The following HAPLN1 variants were observed in gnomAD, a reference collection of about 807,000 sequenced individuals.
HAPLN1 encodes hyaluronan and proteoglycan link protein 1.
HAPLN1 carries 13 observed loss-of-function variants against 36.5 expected under a neutral mutation model. The observed-to-expected ratio is 0.36, with a 90% CI of 0.23 to 0.57. HAPLN1 has a LOEUF of 0.57. Ranked by LOEUF, HAPLN1 falls within the 20% of genes least tolerant of loss-of-function variation. HAPLN1 has a pLI of 0.83. For synonymous variants in HAPLN1, 202 were observed against 169.8 expected (o/e 1.19, Z -1.48); for missense variants, 407 against 439.7 (o/e 0.93, Z 0.66).
chr5:83,669,531 TA>T (rs1750644126), intron 2 of HAPLN1, among the ~76,000 whole-genome samples: 2 of 151,868 alleles, frequency 1.3e-5, no homozygotes, highest in Non-Finnish European at 2.9e-5. Context: ...ATTAAAGTAA[TA>T]ATATGAATGG....
intron 1 of HAPLN1, among the ~76,000 whole-genome samples, chr5:83,708,891 GT>G (rs537083743): frequency 5.1e-4 from 78 of 151,618 alleles, no homozygotes; most frequent in Non-Finnish European, 1.0e-3. Context: ...CTTTTTTTCT[GT>G]TTTTTTGAGA....
At chr5:83,682,860 T>C (rs1751039158) in intron 1 of HAPLN1, among the ~76,000 whole-genome samples, 1 of 152,074 alleles carries the variant, frequency 6.6e-6, no homozygotes, top group Non-Finnish European at 1.5e-5. Context: ...TTGAAGGTGT[T>C]TTTTAAGCTT....
rs774866703 is a variant in HAPLN1, at chr5:83,652,809, T to G, written c.116A>C (p.His39Pro). 11 of 1,580,116 alleles carry G rather than the reference T, an allele frequency of 7.0e-6. No individual in the cohort carries two copies. The highest frequency in any genetic ancestry group is 8.6e-6 in the Non-Finnish European group (10 of 1,161,258). Residue 39 changes from histidine to proline, a missense_variant, in exon 3 of 5, where the codon CAT (histidine) becomes CCT (proline). By Grantham distance (77) the His-to-Pro change is moderately conservative. Transcript: ENST00000274341. Reference protein sequence around the residue: ...AIHIQAENGPHLLVEAEQAKV... With the variant: ...AIHIQAENGPPLLVEAEQAKV... ...GGCTTGCTCTGCTTCCACAAGTAGA[T>G]GGGGGCCATTTTCTGCTATAATTAA... is the stretch of plus-strand genomic sequence containing the variant.
At chr5:83,693,167 C>T (rs1751318887) in intron 1 of HAPLN1, among the ~76,000 whole-genome samples, 1 of 151,826 alleles carries the variant, frequency 6.6e-6, no homozygotes, top group Non-Finnish European at 1.5e-5. Flanking sequence ...TTACTATACT[C>T]ACCTCTTTTC....
At chr5:83,673,711 C>T (rs983939007) in intron 1 of HAPLN1, 162 bp from the exon 2 acceptor site, 36 of 544,252 alleles carry the variant, frequency 6.6e-5, no homozygotes, top group Admixed American at 1.6e-4. Context: ...GAGCCGAAGA[C>T]GGCAGCTTTG....
intron 4 of HAPLN1, among the ~76,000 whole-genome samples, chr5:83,642,715 A>G (rs764637840): frequency 1.1e-4 from 16 of 152,198 alleles, no homozygotes; most frequent in Non-Finnish European, 7.3e-5. Flanking sequence ...TTACTGAAGT[A>G]TAAATTAATG....
intron 1 of HAPLN1, among the ~76,000 whole-genome samples, chr5:83,699,128 TGA>T (rs1751452939): frequency 6.6e-6 from 1 of 152,196 alleles, no homozygotes; most frequent in African/African-American, 2.4e-5. Context: ...CAGTAAAAAG[TGA>T]GCTTTGTCAT....
At chr5:83,679,948 G>T (rs1302622732) in intron 1 of HAPLN1, among the ~76,000 whole-genome samples, 1 of 152,122 alleles carries the variant, frequency 6.6e-6, no homozygotes, top group African/African-American at 2.4e-5. Flanking sequence ...TACTTATGTT[G>T]CATTTTAGGA....
chr5:83,646,534 C>T (rs570283148), intron 3 of HAPLN1, among the ~76,000 whole-genome samples: 15 of 152,204 alleles, frequency 9.9e-5, no homozygotes, highest in Non-Finnish European at 2.1e-4. Flanking sequence ...ACACGTTTGT[C>T]TCTGTAGGGC....
At chr5:83,695,802 C>T (rs964554605) in intron 1 of HAPLN1, among the ~76,000 whole-genome samples, 2 of 151,574 alleles carry the variant, frequency 1.3e-5, no homozygotes, top group Admixed American at 6.6e-5. Context: ...TATGTTCAAC[C>T]CACAGCTAAC....
chr5:83,701,140 A>T (rs1052478726), intron 1 of HAPLN1, among the ~76,000 whole-genome samples: 2 of 152,250 alleles, frequency 1.3e-5, no homozygotes, highest in African/African-American at 4.8e-5. Context: ...TTGCAATGTG[A>T]CTTGAGAGCT....
chr5:83,657,772 C>T (rs1403950340), intron 2 of HAPLN1, among the ~76,000 whole-genome samples: 1 of 150,106 alleles, frequency 6.7e-6, no homozygotes, highest in Non-Finnish European at 1.5e-5. Context: ...GAACTAGACT[C>T]GAGACTTTTG....
chr5:83,647,373 T>C (rs1327572909), intron 3 of HAPLN1, among the ~76,000 whole-genome samples: 1 of 152,206 alleles, frequency 6.6e-6, no homozygotes, highest in African/African-American at 2.4e-5. Flanking sequence ...AAGAACATAT[T>C]CCAAGTAAAT....
intron 2 of HAPLN1, among the ~76,000 whole-genome samples, chr5:83,655,902 G>C (rs1039715780): frequency 6.6e-6 from 1 of 152,122 alleles, no homozygotes; most frequent in African/African-American, 2.4e-5. Flanking sequence ...GAAATGAAAG[G>C]AGTGAAGACA....
chr5:83,720,534 A>G (rs1009188986), intron 1 of HAPLN1, among the ~76,000 whole-genome samples: 1 of 152,228 alleles, frequency 6.6e-6, no homozygotes, highest in Non-Finnish European at 1.5e-5. Flanking sequence ...GAGCACTAGC[A>G]GAAGCTAAGA....
intron 1 of HAPLN1, among the ~76,000 whole-genome samples, chr5:83,707,178 A>G (rs1751672963): frequency 6.6e-6 from 1 of 152,084 alleles, no homozygotes. Context: ...TTATAGATTC[A>G]TTGCTATTCC....
At chr5:83,662,248 G>A (rs890480973) in intron 2 of HAPLN1, among the ~76,000 whole-genome samples, 9 of 152,138 alleles carry the variant, frequency 5.9e-5, no homozygotes, top group Non-Finnish European at 1.2e-4. Context: ...TAAATGAGAT[G>A]ACCCAGGTAA....
At chr5:83,694,857 A>T (rs1239015602) in intron 1 of HAPLN1, among the ~76,000 whole-genome samples, 3 of 152,144 alleles carry the variant, frequency 2.0e-5, no homozygotes, top group Non-Finnish European at 4.4e-5. Context: ...AATAATATCA[A>T]CTTTACACAA....
intron 1 of HAPLN1, among the ~76,000 whole-genome samples, chr5:83,708,338 A>T (rs1453536217): frequency 2.0e-5 from 3 of 152,238 alleles, no homozygotes; most frequent in African/African-American, 7.2e-5. Flanking sequence ...CAGACTAAAT[A>T]AAGAAAATGG....
Sources: allele counts gnomAD v4.1 joint callset (sites outside exome capture counted in the v4.1 genomes callset), GRCh38; gene constraint gnomAD v4.1.1; transcripts MANE v1.5; gene names NCBI Gene and HGNC (gene_info 2026-07-23, HGNC 2026-07-21).